Variants in THAP3 observed in about 807,000 individuals in gnomAD.
THAP3 encodes THAP domain-containing protein 3.
A neutral mutation model predicts 17.7 loss-of-function variants in THAP3; 12 were observed. The ratio of observed to expected loss-of-function variants is 0.68; its 90% CI spans 0.43 to 1.10. The LOEUF is 1.10. Ranked by LOEUF, THAP3 falls within the 50% of genes least tolerant of loss-of-function variation. The pLI is 0.00. For synonymous variants in THAP3, 133 were observed against 126.9 expected (o/e 1.05, Z -0.32); for missense variants, 289 against 318.0 (o/e 0.91, Z 0.69).
rs751698524 is a variant in THAP3, at chr1:6,632,380, G to A, written c.334-11G>A. 1.2e-6 allele frequency: 2 copies of A among 1,613,252 alleles called. No individual in the cohort carries two copies. Among genetic ancestry groups the A allele is most frequent in the Admixed American group, 3.3e-5 (2 of 60,018 alleles). On this transcript the variant is annotated splice_polypyrimidine_tract_variant and intron_variant, in intron 4 of 5. Transcript: ENST00000054650. ...AGGGCTGTAGTGCAGACTTCACCCT[G>A]CCGTTCCCAGGTCCTCCCTGAGGCG...
chr1:6,632,365 T>TTC, intron 4 of THAP3, 26 bp from the exon 5 acceptor site: 1 of 1,612,626 alleles, frequency 6.2e-7, no homozygotes, highest in Non-Finnish European at 8.5e-7. Flanking sequence ...AGGGCTGTAG[T>TTC]GCAGACTTCA....
At chr1:6,634,832 G>A (rs1641728398), downstream of THAP3, 2 of 1,249,610 alleles carry the variant, frequency 1.6e-6, no homozygotes, top group African/African-American at 3.1e-5. Context: ...TTTGGGTTGG[G>A]TGTGTCTGAT....
At chr1:6,630,730 C>T (rs762781318) in intron 4 of THAP3, among the ~76,000 whole-genome samples, 12 of 152,082 alleles carry the variant, frequency 7.9e-5, no homozygotes, top group Non-Finnish European at 1.2e-4. Context: ...GCTACCACGC[C>T]CGGCTAATTT....
chr1:6,634,817 A>AGTGG, downstream of THAP3: 1 of 1,268,866 alleles, frequency 7.9e-7, no homozygotes, highest in Non-Finnish European at 1.0e-6. Flanking sequence ...CCTGGGGTCC[A>AGTGG]CGCCTTTGGG....
At chr1:6,632,681 C>A in intron 5 of THAP3, 115 bp from the exon 6 acceptor site, 1 of 1,463,406 alleles carries the variant, frequency 6.8e-7, no homozygotes, top group Non-Finnish European at 9.4e-7. Context: ...GGGGGAGCAG[C>A]CCGGAGTGTC....
At position 6,625,133 on chromosome 1, in the gene THAP3, C is replaced by G. The variant is rs1217668912; in HGVS notation, c.-69-17C>G. 9.9e-6 allele frequency: 14 copies of G among 1,417,446 alleles called. No homozygotes were observed. The East Asian group carries it at 3.9e-4, about 39-fold the overall frequency. 87.8% of individuals were successfully genotyped at this position (1,417,446 alleles called of 1,614,324 possible). A position where few individuals can be genotyped will look rare whatever the true frequency, so the allele number is the denominator to read the frequency against. On this transcript the variant is annotated splice_polypyrimidine_tract_variant and intron_variant, in intron 1 of 5. Transcript: ENST00000054650. ...AGGCCCGTCACCACCTCCCAGCGGC[C>G]CCGCCCCTCCCCGCAGGTCCCTCCC... is the stretch of plus-strand genomic sequence containing the variant.
intron 4 of THAP3, among the ~76,000 whole-genome samples, chr1:6,630,989 G>A (rs1641596588): frequency 1.3e-5 from 2 of 151,470 alleles, no homozygotes; most frequent in South Asian, 4.2e-4. Context: ...GAGTATAGAT[G>A]TGAGTCACTG....
Position 6,625,162 on chromosome 1 carries a change from TC to T in THAP3, c.-55del, listed in dbSNP as rs1398944519. 2 of 1,380,140 alleles carry T rather than the reference TC, an allele frequency of 1.4e-6. No individual in the cohort carries two copies. The highest frequency in any genetic ancestry group is 2.0e-6 in the Non-Finnish European group (2 of 1,015,188). The allele number at this position is 1,380,140 out of a possible 1,614,324, so 85.5% of individuals were successfully genotyped here. ...CCCCTCCCCGCAGGTCCCTCCCCTC[TC>T]CGCAGGCCCCGCCGCCGCCGCCATC... On this transcript the variant is annotated 5_prime_UTR_variant, in exon 2 of 6. Coordinates refer to ENST00000054650, the MANE Select transcript of THAP3 (RefSeq NM_001195753.2).
At chr1:6,635,011 G>A (rs920010667), downstream of THAP3, 2 of 508,586 alleles carry the variant, frequency 3.9e-6, no homozygotes, top group Non-Finnish European at 5.9e-6. Flanking sequence ...GCTAGGCCCT[G>A]GGATCGGGAG....
At chr1:6,632,746 C>T (rs375764723) in intron 5 of THAP3, 50 bp from the exon 6 acceptor site, 90 of 1,605,444 alleles carry the variant, frequency 5.6e-5, no homozygotes, top group Middle Eastern at 1.7e-4. Context: ...CACCATGGCC[C>T]GCCTTCCTGC....
intron 2 of THAP3, chr1:6,628,228 C>T (rs1641515565): frequency 4.6e-6 from 2 of 431,152 alleles, no homozygotes; most frequent in Non-Finnish European, 8.3e-6. Context: ...AAGAACAGGG[C>T]CCGGCTCCTG....
intron 4 of THAP3, 154 bp from the exon 5 acceptor site, chr1:6,632,237 C>T (rs1641635836): frequency 3.1e-6 from 3 of 964,540 alleles, no homozygotes; most frequent in East Asian, 2.5e-5. Flanking sequence ...AGTTCAGTTC[C>T]AGGGTGTGTG....
At chr1:6,627,253 T>C (rs545359286) in intron 2 of THAP3, among the ~76,000 whole-genome samples, 1 of 152,306 alleles carries the variant, frequency 6.6e-6, no homozygotes, top group African/African-American at 2.4e-5. Flanking sequence ...CCCAGGCTTA[T>C]CGGTTCCGCA....
chr1:6,629,334 G>A (rs1424976274), intron 3 of THAP3, among the ~76,000 whole-genome samples: 2 of 152,228 alleles, frequency 1.3e-5, no homozygotes, highest in Admixed American at 6.5e-5. Context: ...TTTATGGGGA[G>A]AGGAAAGGGA....
intron 4 of THAP3, among the ~76,000 whole-genome samples, chr1:6,630,727 C>T (rs557406750): frequency 4.6e-5 from 7 of 152,232 alleles, no homozygotes; most frequent in South Asian, 2.1e-4. Context: ...CCCGCTACCA[C>T]GCCCGGCTAA....
At chr1:6,625,622 A>G (rs1641447862) in intron 2 of THAP3, among the ~76,000 whole-genome samples, 1 of 152,022 alleles carries the variant, frequency 6.6e-6, no homozygotes, top group African/African-American at 2.4e-5. Flanking sequence ...GCGGTCCTGA[A>G]GGGAGCCCGG....
chr1:6,626,517 G>A (rs1337934881), intron 2 of THAP3, among the ~76,000 whole-genome samples: 3 of 152,196 alleles, frequency 2.0e-5, no homozygotes, highest in Non-Finnish European at 2.9e-5. Flanking sequence ...GGGCATTTGG[G>A]TGGCCCCATT....
At chr1:6,625,125 C>T in intron 1 of THAP3, 25 bp from the exon 2 acceptor site, 1 of 1,383,350 alleles carries the variant, frequency 7.2e-7, no homozygotes. Context: ...TCACCACCTC[C>T]CAGCGGCCCC....
intron 5 of THAP3, 148 bp from the exon 6 acceptor site, chr1:6,632,648 T>C (rs1641651897): frequency 7.0e-7 from 1 of 1,427,596 alleles, no homozygotes; most frequent in Non-Finnish European, 9.6e-7. Flanking sequence ...TTCTCCACCA[T>C]GGTGTGGGCA....
Sources: gnomAD v4.1 joint callset for allele counts (sites outside exome capture counted in the v4.1 genomes callset) on GRCh38, gnomAD v4.1.1 for gene constraint, MANE v1.5 for transcripts, NCBI Gene and HGNC (gene_info 2026-07-23, HGNC 2026-07-21) for gene names.